PLEKHH2: variants seen among roughly 807,000 people sequenced by gnomAD.
PLEKHH2 encodes pleckstrin homology, MyTH4 and FERM domain containing H2.
A neutral mutation model predicts 187.9 loss-of-function variants in PLEKHH2; 129 were observed. The observed-to-expected ratio is 0.69, with a 90% CI of 0.59 to 0.79. PLEKHH2 has a LOEUF of 0.79. Among genes scored for constraint, PLEKHH2 ranks in the 30% least tolerant of loss-of-function variants. The probability of loss-of-function intolerance (pLI) is 0.00; values close to 1 mark genes in which losing one functional copy is unlikely to be tolerated. For synonymous variants in PLEKHH2, 686 were observed against 605.6 expected (o/e 1.13, Z -1.95); for missense variants, 2,076 against 1,751.2 (o/e 1.19, Z -3.31).
At position 43,740,989 on chromosome 2, in the gene PLEKHH2, A is replaced by T. The variant is rs747406080; in HGVS notation, c.3167A>T (p.His1056Leu). The T allele has an allele frequency of 6.2e-7, 1 of 1,613,914 alleles. No homozygotes were observed. The highest frequency in any genetic ancestry group is 2.2e-5 in the East Asian group (1 of 44,884). Residue 1056 changes from histidine (H) to leucine (L), a missense_variant, in exon 21 of 30, where the codon CAT becomes CTT. His to Leu is a moderately conservative substitution (Grantham distance 99). Transcript: ENST00000282406. The part of the protein sequence containing the change: ...LALCVGLFLP[H>L]HPFLWLLRLH... ...CTCTGCGTTGGGCTCTTCCTTCCCC[A>T]TCATCCTTTCCTGTGGCTCCTCAGG... is the stretch of plus-strand genomic sequence containing the variant.
At chr2:43,739,775 C>G (rs1671477005) in intron 20 of PLEKHH2, among the ~76,000 whole-genome samples, 1 of 152,196 alleles carries the variant, frequency 6.6e-6, no homozygotes, top group South Asian at 2.1e-4. Context: ...CACACTCCAC[C>G]TTTGCAATAT....
intron 9 of PLEKHH2, among the ~76,000 whole-genome samples, chr2:43,704,965 T>A (rs535399659): frequency 1.3e-5 from 2 of 152,324 alleles, no homozygotes; most frequent in East Asian, 1.9e-4. Flanking sequence ...GCATTTCAGC[T>A]GTTTAAAATG....
At chr2:43,680,476 AT>A (rs1227650493) in intron 3 of PLEKHH2, 1 of 159,084 alleles carries the variant, frequency 6.3e-6, no homozygotes, top group Non-Finnish European at 1.4e-5. Flanking sequence ...AGAAGTGCAT[AT>A]GAAATTCCTT....
At chr2:43,672,458 A>T (rs1667538548) in intron 2 of PLEKHH2, among the ~76,000 whole-genome samples, 1 of 152,112 alleles carries the variant, frequency 6.6e-6, no homozygotes, top group Non-Finnish European at 1.5e-5. Flanking sequence ...ACTTTAATTC[A>T]TTCAGACTCT....
chr2:43,672,535 C>A (rs1460838771), intron 2 of PLEKHH2, among the ~76,000 whole-genome samples: 1 of 152,206 alleles, frequency 6.6e-6, no homozygotes, highest in Non-Finnish European at 1.5e-5. Context: ...CTAATGACCT[C>A]CTAATTAGCA....
chr2:43,762,007 A>C (rs1572674896), intron 27 of PLEKHH2, among the ~76,000 whole-genome samples: 1 of 152,304 alleles, frequency 6.6e-6, no homozygotes, highest in East Asian at 1.9e-4. Flanking sequence ...GTAAAATATA[A>C]ACATTATTGT....
rs1558582034 is a variant in PLEKHH2 at position 43,731,593 on chromosome 2, ATTAT to A, written c.2938_2941del (p.Phe980ArgfsTer7). ...AAGCCCTGCAGACAGAAGCTATTAA[ATTAT>A]TTAAGGTAAAATATTTATATGTTGT... On this transcript the variant is annotated frameshift_variant, in exon 19 of 30. Coordinates refer to ENST00000282406, the MANE Select transcript of PLEKHH2 (RefSeq NM_172069.4). LOFTEE classifies it high-confidence loss of function. The A allele has an allele frequency of 6.5e-7, 1 of 1,546,426 alleles. No individual in the cohort carries two copies. The highest frequency in any genetic ancestry group is 8.9e-7 in the Non-Finnish European group (1 of 1,124,248).
intron 29 of PLEKHH2, among the ~76,000 whole-genome samples, chr2:43,764,783 T>C (rs1672560745): frequency 6.6e-6 from 1 of 152,228 alleles, no homozygotes; most frequent in African/African-American, 2.4e-5. Context: ...ACTGGGATTT[T>C]ATAATTAAAA....
chr2:43,668,526 G>T (rs912114634), intron 2 of PLEKHH2, among the ~76,000 whole-genome samples: 14 of 152,090 alleles, frequency 9.2e-5, no homozygotes, highest in African/African-American at 3.4e-4. Context: ...CTTACTATTA[G>T]ACATACAGGC....
chr2:43,684,222 C>G (rs6544689), intron 3 of PLEKHH2, among the ~76,000 whole-genome samples: 5,807 of 151,596 alleles, frequency 0.038, 368 homozygotes, highest in African/African-American at 0.13. Flanking sequence ...CCTTTCCCTT[C>G]CCTTCTTTTT....
intron 23 of PLEKHH2, among the ~76,000 whole-genome samples, chr2:43,744,347 G>A (rs951864561): frequency 1.3e-5 from 2 of 152,106 alleles, no homozygotes; most frequent in Admixed American, 6.5e-5. Context: ...TATCCCAGGG[G>A]CTGGCTGGAC....
intron 23 of PLEKHH2, 34 bp from the exon 24 acceptor site, chr2:43,745,832 T>G (rs1439446899): frequency 6.7e-7 from 1 of 1,498,962 alleles, no homozygotes; most frequent in Non-Finnish European, 9.2e-7. Flanking sequence ...ATTTGAAAAG[T>G]ACTGTAAATC....
In PLEKHH2 at chr2:43,710,584, C is replaced by CTTTTTT. The variant is rs376851824; in HGVS notation, c.2301+28_2301+33dup. On this transcript the variant is annotated intron_variant, in intron 14 of 29. Coordinates refer to ENST00000282406, the MANE Select transcript of PLEKHH2 (RefSeq NM_172069.4). ...ACAAACAAACAGTTCAGGTACTTAA[C>CTTTTTT]TTTTTTTTTTTTTTTTTTTTTTTTG... 5.8e-4 allele frequency: 718 copies of CTTTTTT among 1,242,170 alleles called. No homozygotes were observed. Among genetic ancestry groups the CTTTTTT allele is most frequent in the South Asian group, 2.4e-3 (126 of 52,956 alleles). The allele number at this position is 1,242,170 out of a possible 1,614,324, so 76.9% of individuals were successfully genotyped here.
At chr2:43,674,525 T>A (rs1354280189) in intron 2 of PLEKHH2, among the ~76,000 whole-genome samples, 1 of 152,194 alleles carries the variant, frequency 6.6e-6, no homozygotes, top group Non-Finnish European at 1.5e-5. Context: ...AACAAGTAAT[T>A]CAACAAAATG....
intron 15 of PLEKHH2, among the ~76,000 whole-genome samples, chr2:43,715,918 GA>G (rs1406882147): frequency 6.6e-6 from 1 of 152,122 alleles, no homozygotes; most frequent in Non-Finnish European, 1.5e-5. Context: ...TAGGGCAGGG[GA>G]GAGCAGGGTA....
Position 43,757,193 on chromosome 2 carries a change from A to C in PLEKHH2, c.3870A>C (p.Gln1290His). 1.2e-6 allele frequency: 2 copies of C among 1,605,234 alleles called. No homozygotes were observed. The highest frequency in any genetic ancestry group is 4.5e-5 in the East Asian group (2 of 44,206). ...GHVTNQCKVN[Q>H]TLKQVIEKFY... ...TTACCAATCAGTGCAAAGTGAATCA[A>C]ACTCTAAAGCAAGTCATAGAGAAAT... The change falls in exon 26 of 30, where the codon CAA becomes CAC. Residue 1290 changes from glutamine (Q) to histidine (H), a missense_variant. By Grantham distance (24) the Gln-to-His change is conservative (BLOSUM62 0). Transcript: ENST00000282406.
chr2:43,694,317 A>G, intron 4 of PLEKHH2, 114 bp from the exon 5 acceptor site: 2 of 1,216,930 alleles, frequency 1.6e-6, no homozygotes, highest in Non-Finnish European at 1.1e-6. Flanking sequence ...TTGAAAGCAG[A>G]TATAGTAACT....
At chr2:43,707,196 C>CAAAAAAA (rs60819579) in intron 10 of PLEKHH2, among the ~76,000 whole-genome samples, 960 of 88,036 alleles carry the variant, frequency 0.011, 40 homozygotes, top group African/African-American at 0.041. Context: ...GACTCCACCT[C>CAAAAAAA]AAAAAAAAAA....
intron 14 of PLEKHH2, chr2:43,710,814 C>G (rs1468872872): frequency 1.6e-6 from 2 of 1,281,192 alleles, no homozygotes; most frequent in African/African-American, 1.6e-5. Context: ...TTATACTCTT[C>G]TTTCCTCATA....
Sources: gnomAD v4.1 joint callset for allele counts (sites outside exome capture counted in the v4.1 genomes callset) on GRCh38, gnomAD v4.1.1 for gene constraint, MANE v1.5 for transcripts, NCBI Gene and HGNC (gene_info 2026-07-23, HGNC 2026-07-21) for gene names.